Variants in CTNNA2 observed in about 807,000 individuals in gnomAD.
CTNNA2 encodes catenin alpha-2.
A neutral mutation model predicts 101.0 loss-of-function variants in CTNNA2; 42 were observed. That is an observed-to-expected ratio of 0.42 (90% CI 0.32 to 0.54). The LOEUF is 0.54. CTNNA2 is among the 20% of genes least tolerant of loss of function. The probability of loss-of-function intolerance (pLI) is 0.14; values close to 1 mark genes in which losing one functional copy is unlikely to be tolerated. For synonymous variants in CTNNA2, 450 were observed against 456.4 expected (o/e 0.99, Z 0.18); for missense variants, 871 against 1,223.1 (o/e 0.71, Z 4.29).
chr2:79,843,831 C>T (rs1466776715), intron 3 of CTNNA2, among the ~76,000 whole-genome samples: 3 of 152,178 alleles, frequency 2.0e-5, no homozygotes, highest in African/African-American at 4.8e-5. Context: ...TACTCCAACT[C>T]CAACTCCATA....
intron 3 of CTNNA2, among the ~76,000 whole-genome samples, chr2:79,758,417 T>C (rs1389811622): frequency 6.6e-6 from 1 of 152,220 alleles, no homozygotes; most frequent in African/African-American, 2.4e-5. Flanking sequence ...GATGTGACTC[T>C]TCTTTTTTTA....
chr2:80,505,906 T>C (rs2149541437), intron 9 of CTNNA2, among the ~76,000 whole-genome samples: 1 of 152,182 alleles, frequency 6.6e-6, no homozygotes, highest in Middle Eastern at 3.2e-3. Context: ...TTTGATCCAG[T>C]TATAAAAGAT....
intron 3 of CTNNA2, among the ~76,000 whole-genome samples, chr2:79,328,658 T>G (rs1431156692): frequency 6.6e-6 from 1 of 152,148 alleles, no homozygotes; most frequent in African/African-American, 2.4e-5. Flanking sequence ...AGAGTGTGGT[T>G]TGAGTACAGC....
chr2:79,760,052 G>A (rs1451486209), intron 3 of CTNNA2, among the ~76,000 whole-genome samples: 1 of 152,090 alleles, frequency 6.6e-6, no homozygotes, highest in Non-Finnish European at 1.5e-5. Context: ...GCCTACATTT[G>A]AAACCTGACT....
At chr2:79,760,802 A>G (rs1672739365) in intron 3 of CTNNA2, among the ~76,000 whole-genome samples, 1 of 152,204 alleles carries the variant, frequency 6.6e-6, no homozygotes, top group African/African-American at 2.4e-5. Flanking sequence ...AGTGTTCATG[A>G]CCCTTCTTTT....
chr2:79,568,858 C>T (rs1344927279), intron 1 of CTNNA2, among the ~76,000 whole-genome samples: 1 of 68,982 alleles, frequency 1.4e-5, no homozygotes, highest in Non-Finnish European at 2.6e-5. Flanking sequence ...TCTGTTTCTA[C>T]AAAAAAAAAA....
chr2:80,611,934 G>T (rs991331208), intron 17 of CTNNA2, among the ~76,000 whole-genome samples: 1 of 151,460 alleles, frequency 6.6e-6, no homozygotes, highest in African/African-American at 2.4e-5. Flanking sequence ...CACAAAAATG[G>T]TACAAATTTT....
At chr2:80,477,533 T>G (rs907348245) in intron 9 of CTNNA2, among the ~76,000 whole-genome samples, 12 of 152,034 alleles carry the variant, frequency 7.9e-5, no homozygotes, top group African/African-American at 2.9e-4. Flanking sequence ...ATTCTGAGTC[T>G]CCATTCGTTA....
intron 4 of CTNNA2, among the ~76,000 whole-genome samples, chr2:79,380,548 T>A (rs1678027515): frequency 6.6e-6 from 1 of 152,104 alleles, no homozygotes; most frequent in South Asian, 2.1e-4. Context: ...CTCTAAGCAG[T>A]CCAAATGCAT....
intron 3 of CTNNA2, among the ~76,000 whole-genome samples, chr2:79,781,821 GTAGT>G (rs371089125): frequency 2.9e-3 from 438 of 152,298 alleles, no homozygotes; most frequent in African/African-American, 9.7e-3. Flanking sequence ...AAACACACAA[GTAGT>G]TAGTCCAAAA....
intron 7 of CTNNA2, among the ~76,000 whole-genome samples, chr2:79,976,799 C>T (rs558799943): frequency 6.6e-6 from 1 of 152,302 alleles, no homozygotes; most frequent in South Asian, 2.1e-4. Flanking sequence ...CCAGTTCCTT[C>T]CCCACTTGGG....
At chr2:80,504,928 A>G (rs1429626100) in intron 9 of CTNNA2, among the ~76,000 whole-genome samples, 1 of 152,184 alleles carries the variant, frequency 6.6e-6, no homozygotes, top group East Asian at 1.9e-4. Flanking sequence ...GTCATGAAGC[A>G]GCTCAGAACT....
chr2:79,710,412 A>G (rs1021900554), intron 2 of CTNNA2, among the ~76,000 whole-genome samples: 1 of 152,176 alleles, frequency 6.6e-6, no homozygotes, highest in Non-Finnish European at 1.5e-5. Context: ...CCTATTTTGA[A>G]CTGTCTAGGA....
intron 3 of CTNNA2, among the ~76,000 whole-genome samples, chr2:79,754,812 T>A (rs929645532): frequency 8.6e-5 from 13 of 152,044 alleles, no homozygotes; most frequent in African/African-American, 3.1e-4. Flanking sequence ...TTCTTGCTGG[T>A]CTTAGGGTAA....
intron 4 of CTNNA2, among the ~76,000 whole-genome samples, chr2:79,390,921 T>C (rs1279616245): frequency 2.0e-5 from 3 of 152,144 alleles, no homozygotes; most frequent in African/African-American, 7.2e-5. Context: ...GATGCATTGA[T>C]TGATTACTTA....
At chr2:79,244,966 G>A (rs1457375870) in intron 2 of CTNNA2, among the ~76,000 whole-genome samples, 2 of 152,002 alleles carry the variant, frequency 1.3e-5, no homozygotes, top group Non-Finnish European at 2.9e-5. Context: ...TTGGTGGCAT[G>A]TGCCTATAAT....
chr2:79,928,628 A>C (rs552752644), intron 7 of CTNNA2, among the ~76,000 whole-genome samples: 1 of 152,350 alleles, frequency 6.6e-6, no homozygotes, highest in South Asian at 2.1e-4. Flanking sequence ...TGGAAAACCA[A>C]TGTGTCTGCC....
intron 2 of CTNNA2, among the ~76,000 whole-genome samples, chr2:79,238,558 T>A (rs1204862269): frequency 1.3e-5 from 2 of 152,092 alleles, no homozygotes; most frequent in African/African-American, 4.8e-5. Flanking sequence ...TTAAAAAAAG[T>A]GAAGTACAAT....
chr2:80,391,746 T>C (rs1170292832), intron 7 of CTNNA2, among the ~76,000 whole-genome samples: 1 of 152,250 alleles, frequency 6.6e-6, no homozygotes, highest in Non-Finnish European at 1.5e-5. Flanking sequence ...CACGTTATTC[T>C]TCTCCATACA....
Sources: allele counts gnomAD v4.1 joint callset (sites outside exome capture counted in the v4.1 genomes callset), GRCh38; gene constraint gnomAD v4.1.1; transcripts MANE v1.5; gene names NCBI Gene and HGNC (gene_info 2026-07-23, HGNC 2026-07-21).